The following COL24A1 variants were observed in gnomAD, a reference collection of about 807,000 sequenced individuals.
The protein encoded by COL24A1 is collagen type XXIV alpha 1 chain, also known as collagen alpha-1(XXIV) chain.
Under a neutral mutation model 253.9 loss-of-function variants are expected in COL24A1, and 224 were observed. The observed-to-expected ratio is 0.88, with a 90% CI of 0.79 to 0.99. COL24A1 has a LOEUF of 0.99. Ranked by LOEUF, COL24A1 falls within the 50% of genes least tolerant of loss-of-function variation. The pLI, the probability that COL24A1 is intolerant of heterozygous loss-of-function variation, is 0.00. For missense variants in COL24A1, 2,131 were observed against 2,068.5 expected, an observed-to-expected ratio of 1.03 and a Z score of -0.59; for synonymous variants, 685 against 673.7, an observed-to-expected ratio of 1.02 and a Z score of -0.26.
chr1:85,994,746 A>T (rs1694617088), intron 19 of COL24A1, among the ~76,000 whole-genome samples: 1 of 152,226 alleles, frequency 6.6e-6, no homozygotes. Flanking sequence ...AATCTATAGA[A>T]ACTAAACTTT....
At chr1:85,860,182 A>G (rs1267380801) in intron 37 of COL24A1, among the ~76,000 whole-genome samples, 4 of 152,216 alleles carry the variant, frequency 2.6e-5, no homozygotes, top group African/African-American at 9.7e-5. Flanking sequence ...GTTACATGAT[A>G]CTATATACTC....
At chr1:85,787,363 C>T (rs920249407) in intron 47 of COL24A1, among the ~76,000 whole-genome samples, 9 of 152,156 alleles carry the variant, frequency 5.9e-5, no homozygotes, top group African/African-American at 2.2e-4. Flanking sequence ...CTCCCTCTGC[C>T]TCTGTCCCAC....
intron 19 of COL24A1, among the ~76,000 whole-genome samples, chr1:86,008,456 A>G (rs964290468): frequency 5.3e-5 from 8 of 152,122 alleles, no homozygotes; most frequent in Non-Finnish European, 1.5e-5. Context: ...CATGCTGCCC[A>G]GGCCAGTATT....
chr1:85,764,455 T>TACACAC (rs71075861), intron 53 of COL24A1, among the ~76,000 whole-genome samples: 200 of 137,340 alleles, frequency 1.5e-3, no homozygotes, highest in South Asian at 2.7e-3. Flanking sequence ...AGGTGGAGGA[T>TACACAC]ACACACACAC....
At chr1:86,036,711 T>A (rs550968044) in intron 12 of COL24A1, among the ~76,000 whole-genome samples, 10 of 152,166 alleles carry the variant, frequency 6.6e-5, no homozygotes, top group African/African-American at 2.4e-4. Context: ...AGATTGGTTG[T>A]GAAATATGGA....
chr1:85,915,775 A>G (rs1398820696), intron 24 of COL24A1, among the ~76,000 whole-genome samples: 1 of 152,124 alleles, frequency 6.6e-6, no homozygotes, highest in Admixed American at 6.6e-5. Flanking sequence ...CAGCCTCCTG[A>G]GTAGCTGGGA....
intron 32 of COL24A1, among the ~76,000 whole-genome samples, chr1:85,880,569 T>G (rs910079513): frequency 4.9e-4 from 75 of 152,190 alleles, no homozygotes; most frequent in African/African-American, 1.6e-3. Flanking sequence ...GGAGTCAAAA[T>G]TTAACAAAGG....
rs1358989995 is a variant in COL24A1, at chr1:85,896,028, C to T, written c.2870G>A (p.Gly957Asp). 6.2e-7 allele frequency: 1 copy of T among 1,612,050 alleles called. No individual in the cohort carries two copies. The highest frequency in any genetic ancestry group is 1.3e-5 in the African/African-American group (1 of 74,782). ...AAATGTTTTATTACTTACAATAAGA[C>T]CATGAGGCCCTCTTTTTCCTTGATC... ...KGDQGKRGPH[G>D]LIGKTGNPGE... The change falls in exon 30 of 60, where the codon GGT (glycine) becomes GAT (aspartate). Residue 957 changes from glycine to aspartate, a missense_variant. Coordinates refer to ENST00000370571, the MANE Select transcript of COL24A1 (RefSeq NM_152890.7).
intron 1 of COL24A1, among the ~76,000 whole-genome samples, chr1:86,147,103 G>T (rs1396656172): frequency 6.6e-6 from 1 of 152,090 alleles, no homozygotes; most frequent in Non-Finnish European, 1.5e-5. Context: ...GTTCCGCAAG[G>T]AGTGATTATG....
intron 7 of COL24A1, among the ~76,000 whole-genome samples, chr1:86,064,697 T>C (rs1481617113): frequency 6.6e-6 from 1 of 152,142 alleles, no homozygotes; most frequent in African/African-American, 2.4e-5. Context: ...TTTCAGAATA[T>C]AGCCTAATGG....
Position 85,895,906 on chromosome 1 carries a change from C to A in COL24A1, c.2878-4G>T, listed in dbSNP as rs373787553. On this transcript the variant is annotated splice_region_variant and splice_polypyrimidine_tract_variant and intron_variant, in intron 30 of 59. Transcript: ENST00000370571. ...CTCCAGGGTTTCCAGTCTTACCCTA[C>A]ATGAGAAAGAAAATTCTTGAGTCAA... The A allele has an allele frequency of 2.5e-5, 41 of 1,608,008 alleles. No homozygotes were observed. Among genetic ancestry groups the A allele is most frequent in the Non-Finnish European group, 2.3e-5 (27 of 1,178,492 alleles).
Position 86,125,132 on chromosome 1 carries a change from G to C in COL24A1, c.1204C>G (p.Gln402Glu), listed in dbSNP as rs1289331641. The change falls in exon 3 of 60, where the codon CAA (glutamine) becomes GAA (glutamate). Residue 402 changes from glutamine (Q) to glutamate (E), a missense_variant. By Grantham distance (29) the Gln-to-Glu change is conservative. Coordinates refer to ENST00000370571, the MANE Select transcript of COL24A1 (RefSeq NM_152890.7). The stretch of plus-strand genomic sequence containing the variant: ...TTCTTGAGATTAGTAATTGTATCTT[G>C]TTTAATTTGTGGAAGAATAGATGGC... ...KMPSILPQIK[Q>E]DTITNLKKAI... 1.2e-6 allele frequency: 2 copies of C among 1,613,330 alleles called. No homozygotes were observed. Among genetic ancestry groups the C allele is most frequent in the Non-Finnish European group, 8.5e-7 (1 of 1,179,736 alleles).
At chr1:86,103,165 G>T (rs1704626670) in intron 5 of COL24A1, among the ~76,000 whole-genome samples, 1 of 151,990 alleles carries the variant, frequency 6.6e-6, no homozygotes, top group South Asian at 2.1e-4. Context: ...ATATTTGCTG[G>T]CTTAAAGTCT....
intron 45 of COL24A1, 94 bp downstream of exon 45, chr1:85,823,442 A>T: frequency 8.5e-7 from 1 of 1,172,644 alleles, no homozygotes; most frequent in Non-Finnish European, 1.3e-6. Context: ...GATAAATGAT[A>T]ATTTGAATTA....
intron 3 of COL24A1, among the ~76,000 whole-genome samples, chr1:86,123,518 G>A (rs1040865385): frequency 6.6e-6 from 1 of 151,890 alleles, no homozygotes; most frequent in Non-Finnish European, 1.5e-5. Context: ...TTGTGTTCCT[G>A]CTTTGCTTAT....
intron 35 of COL24A1, among the ~76,000 whole-genome samples, chr1:85,870,321 T>A (rs1267572286): frequency 6.6e-6 from 1 of 152,168 alleles, no homozygotes; most frequent in Non-Finnish European, 1.5e-5. Context: ...ATCCAGGAAT[T>A]GAACTCAGCT....
intron 55 of COL24A1, among the ~76,000 whole-genome samples, chr1:85,748,357 A>G (rs1240853997): frequency 6.6e-6 from 1 of 152,238 alleles, no homozygotes; most frequent in Non-Finnish European, 1.5e-5. Flanking sequence ...CACTATATGT[A>G]CTTTATATGT....
intron 9 of COL24A1, among the ~76,000 whole-genome samples, chr1:86,058,874 A>C (rs1011278693): frequency 6.6e-6 from 1 of 152,130 alleles, no homozygotes; most frequent in Non-Finnish European, 1.5e-5. Context: ...ACACTTGTGC[A>C]TTTTAATTTT....
At chr1:86,012,520 C>T (rs748928311) in intron 19 of COL24A1, among the ~76,000 whole-genome samples, 5 of 152,072 alleles carry the variant, frequency 3.3e-5, no homozygotes, top group South Asian at 2.1e-4. Flanking sequence ...ACCCAGGAGG[C>T]GGAGGTTGCA....
Sources: allele counts gnomAD v4.1 joint callset (sites outside exome capture counted in the v4.1 genomes callset), GRCh38; gene constraint gnomAD v4.1.1; transcripts MANE v1.5; gene names NCBI Gene and HGNC (gene_info 2026-07-23, HGNC 2026-07-21).